CIPC: variants seen among roughly 807,000 people sequenced by gnomAD.
CIPC encodes the protein CLOCK interacting pacemaker, also known as CLOCK-interacting pacemaker.
A neutral mutation model predicts 26.7 loss-of-function variants in CIPC; 12 were observed. The observed-to-expected ratio is 0.45, with a 90% CI of 0.29 to 0.73. The LOEUF is 0.73. Ranked by LOEUF, CIPC falls within the 30% of genes least tolerant of loss-of-function variation. The pLI, the probability that CIPC is intolerant of heterozygous loss-of-function variation, is 0.12. For synonymous variants in CIPC, 170 were observed against 189.8 expected (o/e 0.90, Z 0.86); for missense variants, 417 against 486.5 (o/e 0.86, Z 1.34).
At position 77,105,730 on chromosome 14, in the gene CIPC, A is replaced by G. The variant is rs767073303; in HGVS notation, c.22A>G (p.Arg8Gly). 1 of 1,614,150 alleles carries G rather than the reference A, an allele frequency of 6.2e-7. No individual in the cohort carries two copies. Among genetic ancestry groups the G allele is most frequent in the Non-Finnish European group, 8.5e-7 (1 of 1,179,986 alleles). MERKNPS[R>G]ESPRRLSAKV... Reference sequence around the variant, plus strand: ...AACCATGGAGAGGAAAAACCCATCCAGAGAGAGCCCCAGAAGACTCTCTGC... The same window carrying G: ...AACCATGGAGAGGAAAAACCCATCCGGAGAGAGCCCCAGAAGACTCTCTGC... The change falls in exon 2 of 4, where the codon AGA becomes GGA. Residue 8 changes from arginine (R) to glycine (G), a missense_variant. Arg to Gly is a moderately radical substitution (Grantham distance 125). Coordinates refer to ENST00000361786, the MANE Select transcript of CIPC (RefSeq NM_033426.3).
At chr14:77,112,169 C>T (rs1886716435) in intron 3 of CIPC, among the ~76,000 whole-genome samples, 2 of 152,194 alleles carry the variant, frequency 1.3e-5, no homozygotes, top group African/African-American at 4.8e-5. Context: ...ATGACCCCAC[C>T]TGACCCCACT....
At position 77,101,823 on chromosome 14, in the gene CIPC, T is replaced by C. The variant is rs371522529; in HGVS notation, c.-53+3462T>C. On this transcript the variant is annotated intron_variant, in intron 1 of 3. Coordinates refer to ENST00000361786, the MANE Select transcript of CIPC (RefSeq NM_033426.3). ...TGATCTGGCTGGGCATGGTGGCTTA[T>C]GCCTGTAATCCCAGCACTTTGGGAG... Among the ~76,000 whole-genome samples, 10 of 152,274 alleles carry C rather than the reference T, an allele frequency of 6.6e-5. No individual in the cohort carries two copies. In the East Asian group the frequency reaches 1.9e-3, roughly 29 times the overall value.
intron 1 of CIPC, chr14:77,098,853 C>G (rs1021567068): frequency 2.0e-5 from 3 of 152,702 alleles, no homozygotes; most frequent in African/African-American, 7.2e-5. Context: ...CCGTCACCCT[C>G]GTTGCTGGTT....
intron 2 of CIPC, among the ~76,000 whole-genome samples, chr14:77,106,610 C>T (rs1488973730): frequency 6.6e-6 from 1 of 152,116 alleles, no homozygotes. Context: ...GTCAAGTCAA[C>T]ATCCTGAGAG....
In CIPC at chr14:77,116,732, A is replaced by C. The variant is rs556682949; in HGVS notation, c.*2414A>C. 1.3e-5 allele frequency: 2 copies of C among 152,232 alleles called. No individual in the cohort carries two copies. The highest frequency in any genetic ancestry group is 2.9e-5 in the Non-Finnish European group (2 of 68,038). The allele number at this position is 152,232 out of a possible 1,614,324, so 9.4% of individuals were successfully genotyped here. On this transcript the variant is annotated 3_prime_UTR_variant, in exon 4 of 4. Coordinates refer to ENST00000361786, the MANE Select transcript of CIPC (RefSeq NM_033426.3). ...TTGGAGCTGTAAGCAGATGAACCCA[A>C]GTAGAGAAGATAGATCTTGGAAGGA...
At chr14:77,105,104 G>A (rs952919646) in intron 1 of CIPC, among the ~76,000 whole-genome samples, 1 of 152,124 alleles carries the variant, frequency 6.6e-6, no homozygotes, top group African/African-American at 2.4e-5. Context: ...CATGTATAGG[G>A]AGTTGTTTTT....
chr14:77,101,366 T>C (rs1886481243), intron 1 of CIPC, among the ~76,000 whole-genome samples: 1 of 152,212 alleles, frequency 6.6e-6, no homozygotes, highest in South Asian at 2.1e-4. Flanking sequence ...CTACATCCCA[T>C]GTGAGCCTCC....
Position 77,114,512 on chromosome 14 carries a change from C to T in CIPC, c.*194C>T, listed in dbSNP as rs903693688. ...TCTGGGCACAGGATACATATGTCCC[C>T]GTCCCACTGAGGACCTCAGTTTGGG... On this transcript the variant is annotated 3_prime_UTR_variant, in exon 4 of 4. Coordinates refer to ENST00000361786, the MANE Select transcript of CIPC (RefSeq NM_033426.3). 3.6e-5 allele frequency: 21 copies of T among 588,802 alleles called. No individual in the cohort carries two copies. Among genetic ancestry groups the T allele is most frequent in the Non-Finnish European group, 5.9e-5 (20 of 340,566 alleles). The allele number at this position is 588,802 out of a possible 1,614,324, so 36.5% of individuals were successfully genotyped here.
rs1407315082 is a variant in CIPC, at chr14:77,109,843, G to A, written c.168G>A (p.Glu56=). 2 of 1,614,174 alleles carry A rather than the reference G, an allele frequency of 1.2e-6. No homozygotes were observed. The highest frequency in any genetic ancestry group is 2.7e-5 in the African/African-American group (2 of 75,062). The change falls in exon 3 of 4, where the codon GAG becomes GAA. Residue 56 remains glutamate, a synonymous_variant. Coordinates refer to ENST00000361786, the MANE Select transcript of CIPC (RefSeq NM_033426.3). ...DGSSECLSSA[E]QMESEDMLSA... ...GCTCGGAATGTCTGAGCTCTGCAGA[G>A]CAGATGGAGTCCGAGGACATGCTGA...
In CIPC at chr14:77,116,124, T is replaced by A. The variant is rs1886808516; in HGVS notation, c.*1806T>A. On this transcript the variant is annotated 3_prime_UTR_variant, in exon 4 of 4. Coordinates refer to ENST00000361786, the MANE Select transcript of CIPC (RefSeq NM_033426.3). ...CTATACTTTGTTCACAAACGTGTGA[T>A]TTAGATATGACTGATGTAGAAGTGA... The A allele has an allele frequency of 6.6e-6, 1 of 152,248 alleles. No individual in the cohort carries two copies. 9.4% of individuals were successfully genotyped at this position (152,248 alleles called of 1,614,324 possible). A position where few individuals can be genotyped will look rare whatever the true frequency, so the allele number is the denominator to read the frequency against.
intron 1 of CIPC, among the ~76,000 whole-genome samples, chr14:77,100,727 C>G (rs1886464747): frequency 6.6e-6 from 1 of 151,710 alleles, no homozygotes; most frequent in Non-Finnish European, 1.5e-5. Flanking sequence ...TGCCACCACA[C>G]CCAGCTAATT....
intron 1 of CIPC, among the ~76,000 whole-genome samples, chr14:77,103,839 C>A (rs1034628311): frequency 4.6e-5 from 7 of 152,126 alleles, no homozygotes; most frequent in Admixed American, 4.6e-4. Flanking sequence ...CATGACCATG[C>A]CACCCTGCCC....
Position 77,116,566 on chromosome 14 carries a change from T to A in CIPC, c.*2248T>A, listed in dbSNP as rs977869580. The A allele has an allele frequency of 2.0e-5, 3 of 152,194 alleles. No individual in the cohort carries two copies. The highest frequency in any genetic ancestry group is 2.0e-4 in the Admixed American group (3 of 15,272). 9.4% of individuals were successfully genotyped at this position (152,194 alleles called of 1,614,324 possible). A position where few individuals can be genotyped will look rare whatever the true frequency, so the allele number is the denominator to read the frequency against. ...TAAGGCTTGCATTTCCCTCCCTGTT[T>A]CAGTAAAAGATGATGAAAGCCACTA... On this transcript the variant is annotated 3_prime_UTR_variant, in exon 4 of 4. Coordinates refer to ENST00000361786, the MANE Select transcript of CIPC (RefSeq NM_033426.3).
intron 1 of CIPC, among the ~76,000 whole-genome samples, chr14:77,101,257 T>G (rs188628355): frequency 6.4e-4 from 98 of 152,282 alleles, no homozygotes; most frequent in African/African-American, 2.3e-3. Context: ...AGGCTTTATG[T>G]GGTGCTATGT....
At chr14:77,098,998 C>G (rs942842616) in intron 1 of CIPC, 4 of 152,434 alleles carry the variant, frequency 2.6e-5, no homozygotes, top group Admixed American at 1.3e-4. Flanking sequence ...GCCCAGGTCA[C>G]AGGCTGGAGC....
At chr14:77,110,708 G>T (rs757567528) in intron 3 of CIPC, among the ~76,000 whole-genome samples, 1 of 152,204 alleles carries the variant, frequency 6.6e-6, no homozygotes, top group Non-Finnish European at 1.5e-5. Context: ...AGAAGTCTGA[G>T]AATAGAAAAG....
chr14:77,106,374 G>A (rs1370023826), intron 2 of CIPC, among the ~76,000 whole-genome samples: 1 of 152,116 alleles, frequency 6.6e-6, no homozygotes, highest in Non-Finnish European at 1.5e-5. Flanking sequence ...GAGCCACCTG[G>A]CCTAGCTCTA....
intron 3 of CIPC, among the ~76,000 whole-genome samples, chr14:77,111,941 C>A (rs1168243472): frequency 6.6e-6 from 1 of 152,168 alleles, no homozygotes; most frequent in African/African-American, 2.4e-5. Context: ...TCTCCTATGA[C>A]AAGGAAATAT....
chr14:77,112,922 G>T (rs1257182615), intron 3 of CIPC, among the ~76,000 whole-genome samples: 2 of 152,038 alleles, frequency 1.3e-5, no homozygotes, highest in African/African-American at 4.8e-5. Context: ...ACGTTGGCCA[G>T]GCTGGTCTCG....
Sources: gnomAD v4.1 joint callset for allele counts (sites outside exome capture counted in the v4.1 genomes callset) on GRCh38, gnomAD v4.1.1 for gene constraint, MANE v1.5 for transcripts, NCBI Gene and HGNC (gene_info 2026-07-23, HGNC 2026-07-21) for gene names.